Variants in BRINP1 observed in about 807,000 individuals in gnomAD.
The protein encoded by BRINP1 is BMP/retinoic acid-inducible neural-specific protein 1.
A neutral mutation model predicts 72.9 loss-of-function variants in BRINP1; 17 were observed. That is an observed-to-expected ratio of 0.23 (90% CI 0.16 to 0.35). The LOEUF is 0.35. Among genes scored for constraint, BRINP1 ranks in the 10% least tolerant of loss-of-function variants. The pLI is 1.00. For synonymous variants in BRINP1, 418 were observed against 378.5 expected (o/e 1.10, Z -1.21); for missense variants, 850 against 1,001.6 (o/e 0.85, Z 2.04).
intron 2 of BRINP1, among the ~76,000 whole-genome samples, chr9:119,297,122 T>A (rs1181010589): frequency 6.6e-6 from 1 of 152,174 alleles, no homozygotes; most frequent in African/African-American, 2.4e-5. Flanking sequence ...TGTCAAAACA[T>A]CTAGTTGCAT....
intron 1 of BRINP1, among the ~76,000 whole-genome samples, chr9:119,345,201 A>G (rs1293584973): frequency 6.6e-6 from 1 of 152,212 alleles, no homozygotes; most frequent in Non-Finnish European, 1.5e-5. Flanking sequence ...TATATTTGAT[A>G]ACAATTCCAG....
chr9:119,290,415 T>C (rs1211876642), intron 2 of BRINP1, among the ~76,000 whole-genome samples: 1 of 152,202 alleles, frequency 6.6e-6, no homozygotes. Context: ...TCATGAAGAA[T>C]AGTGTAGTGG....
intron 5 of BRINP1, among the ~76,000 whole-genome samples, chr9:119,235,182 A>G (rs1329787740): frequency 2.0e-5 from 3 of 152,124 alleles, no homozygotes; most frequent in African/African-American, 7.2e-5. Context: ...AGTCAGAATG[A>G]TCTTCTAAAA....
intron 1 of BRINP1, among the ~76,000 whole-genome samples, chr9:119,330,006 T>C (rs1831282890): frequency 6.6e-6 from 1 of 152,146 alleles, no homozygotes; most frequent in African/African-American, 2.4e-5. Context: ...GCTTTCAGTC[T>C]TATACTTTCT....
intron 7 of BRINP1, among the ~76,000 whole-genome samples, chr9:119,189,051 T>TG (rs1829656179): frequency 6.6e-6 from 1 of 151,942 alleles, no homozygotes; most frequent in Non-Finnish European, 1.5e-5. Flanking sequence ...TATAAATAGT[T>TG]GGGGGGAGGG....
intron 2 of BRINP1, among the ~76,000 whole-genome samples, chr9:119,265,437 C>T (rs1349860938): frequency 6.6e-6 from 1 of 151,694 alleles, no homozygotes; most frequent in Non-Finnish European, 1.5e-5. Flanking sequence ...CTTGTCTCTA[C>T]TAAAAATAAA....
At position 119,215,536 on chromosome 9, in the gene BRINP1, A is replaced by G. The variant is rs116936100; in HGVS notation, c.686-1381T>C. On this transcript the variant is annotated intron_variant, in intron 5 of 7. Coordinates refer to ENST00000265922, the MANE Select transcript of BRINP1 (RefSeq NM_014618.3). ...TCTTATTTGGATTATTTTTTTTCTC[A>G]TTTATGCTTCAGGGACACTCCTTAA... 1.4e-3 allele frequency among the ~76,000 whole-genome samples: 211 copies of G among 152,134 alleles called. 4 individuals are homozygous for G. The South Asian group carries it at 0.024, about 18-fold the overall frequency.
chr9:119,200,023 A>T (rs1384700878), intron 7 of BRINP1, among the ~76,000 whole-genome samples: 1 of 152,142 alleles, frequency 6.6e-6, no homozygotes, highest in Non-Finnish European at 1.5e-5. Context: ...CTTAGATCTT[A>T]GTTTCTTCAT....
rs529579146 is a variant in BRINP1, at chr9:119,176,272, G to C, written c.1146-8048C>G. Among the ~76,000 whole-genome samples the C allele has an allele frequency of 2.0e-5, 3 of 152,274 alleles. No homozygotes were observed. The East Asian group carries it at 5.8e-4, about 29-fold the overall frequency. Reference sequence around the variant, plus strand: ...CAAGAGCACCTTTCCTAAGGCTGTCGTGCTGTGGAGATGGTGATGGTGATG... The same window carrying C: ...CAAGAGCACCTTTCCTAAGGCTGTCCTGCTGTGGAGATGGTGATGGTGATG... On this transcript the variant is annotated intron_variant, in intron 7 of 7. Transcript: ENST00000265922.
At chr9:119,355,708 G>C (rs1423067693) in intron 1 of BRINP1, among the ~76,000 whole-genome samples, 1 of 141,794 alleles carries the variant, frequency 7.1e-6, no homozygotes, top group Non-Finnish European at 1.5e-5. Flanking sequence ...CAGCCTGGGC[G>C]ACAGAGCAAG....
chr9:119,308,945 C>G (rs1831028425), intron 2 of BRINP1, among the ~76,000 whole-genome samples: 1 of 150,344 alleles, frequency 6.7e-6, no homozygotes, highest in African/African-American at 2.5e-5. Context: ...GCTAAATTTA[C>G]AGCAGCTACT....
chr9:119,177,957 C>T (rs1188038608), intron 7 of BRINP1, among the ~76,000 whole-genome samples: 3 of 151,408 alleles, frequency 2.0e-5, no homozygotes, highest in Non-Finnish European at 2.9e-5. Context: ...GCAGGGAGCA[C>T]GAGGCTGAGG....
At chr9:119,275,018 C>G (rs914649) in intron 2 of BRINP1, among the ~76,000 whole-genome samples, 2 of 151,804 alleles carry the variant, frequency 1.3e-5, no homozygotes, top group African/African-American at 4.8e-5. Context: ...ATTAAGAAAC[C>G]GAGGCTTAGA....
chr9:119,168,047 C>G lies in BRINP1; in HGVS notation c.1323G>C (p.Leu441=). 1 of 1,611,858 alleles carries G rather than the reference C, an allele frequency of 6.2e-7. No homozygotes were observed. The highest frequency in any genetic ancestry group is 1.3e-5 in the African/African-American group (1 of 75,026). ...AGGAGCCGCAGAGGGAGATGTTGGC[C>G]AGGCTGCACATGGCGCAGCTGTTGT... ...GGNNSCAMCS[L]ANISLCGSCN... is the part of the protein sequence containing the mutation. Residue 441 remains leucine, a synonymous_variant, in exon 8 of 8, where the codon CTG becomes CTC. Transcript: ENST00000265922.
At chr9:119,358,805 A>G (rs573871201) in intron 1 of BRINP1, among the ~76,000 whole-genome samples, 1 of 152,194 alleles carries the variant, frequency 6.6e-6, no homozygotes, top group African/African-American at 2.4e-5. Flanking sequence ...CTTTACATCT[A>G]TATCTCATTT....
chr9:119,276,551 A>G (rs1455967989), intron 2 of BRINP1, among the ~76,000 whole-genome samples: 1 of 152,218 alleles, frequency 6.6e-6, no homozygotes, highest in Non-Finnish European at 1.5e-5. Context: ...TACTGTCCAT[A>G]AACCACAACT....
intron 1 of BRINP1, among the ~76,000 whole-genome samples, chr9:119,354,851 A>G (rs534093467): frequency 6.6e-6 from 1 of 152,354 alleles, no homozygotes; most frequent in Non-Finnish European, 1.5e-5. Context: ...CATGGGCAAC[A>G]GAGTGAGACC....
At chr9:119,236,988 A>C (rs1286720432) in intron 5 of BRINP1, among the ~76,000 whole-genome samples, 1 of 152,172 alleles carries the variant, frequency 6.6e-6, no homozygotes, top group Non-Finnish European at 1.5e-5. Flanking sequence ...CCCTCCATGC[A>C]TGTTAGAAAA....
intron 2 of BRINP1, among the ~76,000 whole-genome samples, chr9:119,264,889 T>G (rs1175384774): frequency 6.6e-6 from 1 of 152,150 alleles, no homozygotes; most frequent in African/African-American, 2.4e-5. Context: ...GCCAGGCTGG[T>G]CTTGAATTCC....
Sources: allele counts gnomAD v4.1 joint callset (sites outside exome capture counted in the v4.1 genomes callset), GRCh38; gene constraint gnomAD v4.1.1; transcripts MANE v1.5; gene names NCBI Gene and HGNC (gene_info 2026-07-23, HGNC 2026-07-21).